The following STK3 variants were observed in gnomAD, a reference collection of about 807,000 sequenced individuals.
STK3 encodes the protein serine/threonine kinase 3.
In STK3, 41 loss-of-function variants were observed where a neutral mutation model predicts 58.0. The observed-to-expected ratio is 0.71, with a 90% confidence interval of 0.55 to 0.92. The LOEUF (loss-of-function observed/expected upper bound fraction) is 0.92, where lower values mean the gene tolerates loss of function less well. Among genes scored for constraint, STK3 ranks in the 40% least tolerant of loss-of-function variants. STK3 has a pLI of 0.00. For synonymous variants in STK3, 170 were observed against 191.0 expected (o/e 0.89, Z 0.91); for missense variants, 479 against 602.7 (o/e 0.79, Z 2.15).
chr8:98,792,697 G>T (rs745826658), intron 1 of STK3, among the ~76,000 whole-genome samples: 1 of 151,958 alleles, frequency 6.6e-6, no homozygotes, highest in Non-Finnish European at 1.5e-5. Flanking sequence ...GTAAAACTCC[G>T]TCTCAAAGAA....
At chr8:98,907,839 T>A (rs1320464458) in intron 1 of STK3, among the ~76,000 whole-genome samples, 1 of 152,238 alleles carries the variant, frequency 6.6e-6, no homozygotes, top group African/African-American at 2.4e-5. Context: ...TTAGTTGATA[T>A]GTTTTTTAAT....
At chr8:98,488,487 GGAA>G (rs1822443668) in intron 10 of STK3, among the ~76,000 whole-genome samples, 1 of 152,118 alleles carries the variant, frequency 6.6e-6, no homozygotes, top group Admixed American at 6.5e-5. Context: ...GGAAATGAAA[GGAA>G]GAAGAGAAAA....
rs1343662406 is a variant in STK3, at chr8:98,621,999, AACGC to A, written c.685-25834_685-25831del. Among the ~76,000 whole-genome samples, 4 of 151,878 alleles carry A rather than the reference AACGC, an allele frequency of 2.6e-5. No homozygotes were observed. The East Asian group carries it at 7.7e-4, about 29-fold the overall frequency. On this transcript the variant is annotated intron_variant, in intron 6 of 10. Transcript: ENST00000419617. ...AAATCAGACATTGGGCACGGTGGCT[AACGC>A]CTGTAATCCCAGTACTTTGGGAGGC... is the stretch of plus-strand genomic sequence containing the variant.
intron 10 of STK3, among the ~76,000 whole-genome samples, chr8:98,523,400 A>G (rs1437434851): frequency 7.0e-6 from 1 of 142,596 alleles, no homozygotes; most frequent in African/African-American, 2.6e-5. Flanking sequence ...TTTGAGACAG[A>G]GTCTCGCTCT....
intron 7 of STK3, 122 bp downstream of exon 7, chr8:98,595,910 G>A (rs951888965): frequency 9.1e-7 from 1 of 1,099,170 alleles, no homozygotes; most frequent in Non-Finnish European, 1.3e-6. Flanking sequence ...GGAGCAAACA[G>A]GAGGGGAGGG....
intron 4 of STK3, among the ~76,000 whole-genome samples, chr8:98,734,221 T>G (rs115197269): frequency 0.011 from 1,746 of 152,234 alleles, 34 homozygotes; most frequent in African/African-American, 0.04. Flanking sequence ...AACATGAGAT[T>G]TGGGTGGGAA....
At chr8:98,473,649 T>G (rs2131238241) in intron 10 of STK3, among the ~76,000 whole-genome samples, 1 of 152,318 alleles carries the variant, frequency 6.6e-6, no homozygotes, top group Non-Finnish European at 1.5e-5. Flanking sequence ...TGAATTCTTT[T>G]TAGTTTCTAT....
At chr8:98,486,886 T>G (rs1822310206) in intron 10 of STK3, among the ~76,000 whole-genome samples, 1 of 152,208 alleles carries the variant, frequency 6.6e-6, no homozygotes, top group Non-Finnish European at 1.5e-5. Context: ...GTCAATGCCC[T>G]GTCTGAACAA....
At chr8:98,378,180 G>A (rs1478229225) in intron 2 of STK3, among the ~76,000 whole-genome samples, 2 of 152,176 alleles carry the variant, frequency 1.3e-5, no homozygotes, top group Non-Finnish European at 2.9e-5. Flanking sequence ...CGGGGGAACC[G>A]AGGAACTGAC....
intron 1 of STK3, among the ~76,000 whole-genome samples, chr8:98,890,235 C>T (rs753602975): frequency 2.0e-5 from 3 of 152,176 alleles, no homozygotes; most frequent in East Asian, 1.9e-4. Flanking sequence ...GGAACAAGGA[C>T]GCCAACATGA....
chr8:98,872,353 C>T (rs556272926), intron 3 of STK3, among the ~76,000 whole-genome samples: 278 of 152,196 alleles, frequency 1.8e-3, no homozygotes, highest in African/African-American at 6.5e-3. Context: ...TGATGTTGGC[C>T]TCATAAAATG....
downstream of STK3, among the ~76,000 whole-genome samples, chr8:98,400,559 G>A (rs982829914): frequency 6.6e-6 from 1 of 152,180 alleles, no homozygotes; most frequent in Non-Finnish European, 1.5e-5. Flanking sequence ...CCCTCTTCCA[G>A]GCTTCTCCTG....
At chr8:98,675,955 C>T (rs998530644) in intron 6 of STK3, among the ~76,000 whole-genome samples, 3 of 151,986 alleles carry the variant, frequency 2.0e-5, no homozygotes, top group Non-Finnish European at 4.4e-5. Context: ...TGGAAACAAT[C>T]GAAGTTTCCA....
intron 6 of STK3, among the ~76,000 whole-genome samples, chr8:98,662,141 G>A (rs1034403784): frequency 1.3e-5 from 2 of 152,112 alleles, no homozygotes; most frequent in Non-Finnish European, 2.9e-5. Context: ...GTTGTACATT[G>A]AGAGACCCAT....
chr8:98,370,811 A>G (rs931129805), downstream of STK3, among the ~76,000 whole-genome samples: 1 of 152,210 alleles, frequency 6.6e-6, no homozygotes, highest in Non-Finnish European at 1.5e-5. Flanking sequence ...AGGTCTTGGG[A>G]TCCAAACAAG....
Position 98,376,203 on chromosome 8 carries a change from T to G in STK3, n.111+2950A>C, listed in dbSNP as rs77602104. 7.9e-4 allele frequency among the ~76,000 whole-genome samples: 120 copies of G among 152,392 alleles called. 2 individuals are homozygous for G. The East Asian group carries it at 0.014, about 18-fold the overall frequency. Reference sequence around the variant, plus strand: ...TCAAGCATCTTTACATGTGTGTATTTGTCATTTTTATTTCCACTTTGGTGA... The same window carrying G: ...TCAAGCATCTTTACATGTGTGTATTGGTCATTTTTATTTCCACTTTGGTGA... On this transcript the variant is annotated intron_variant and non_coding_transcript_variant, in intron 2 of 2. Transcript: ENST00000518704.
chr8:98,525,356 G>A (rs1482781612), intron 10 of STK3, among the ~76,000 whole-genome samples: 1 of 151,006 alleles, frequency 6.6e-6, no homozygotes, highest in Non-Finnish European at 1.5e-5. Flanking sequence ...TATACTAAAA[G>A]TCCAGACTTC....
At chr8:98,362,201 G>A in the STK3 span, among the ~76,000 whole-genome samples, 14 of 152,164 alleles carry the variant, frequency 9.2e-5, no homozygotes, top group Non-Finnish European at 1.5e-4. Context: ...ATCCCTTTGA[G>A]AGAATGTAGA....
Position 98,869,074 on chromosome 8 carries a change from G to GGAAGGAAGGAAGGAAGGAAGGAAA in STK3, c.110+14572_110+14573insTTTCCTTCCTTCCTTCCTTCCTTC, listed in dbSNP as rs1564072424. Among the ~76,000 whole-genome samples the GGAAGGAAGGAAGGAAGGAAGGAAA allele has an allele frequency of 4.2e-3, 551 of 130,460 alleles. 4 individuals are homozygous for GGAAGGAAGGAAGGAAGGAAGGAAA. Among genetic ancestry groups the GGAAGGAAGGAAGGAAGGAAGGAAA allele is most frequent in the African/African-American group, 0.015 (515 of 34,680 alleles). The allele number at this position is 130,460 out of a possible 152,430, so 85.6% of individuals were successfully genotyped here. A position where few individuals can be genotyped will look rare whatever the true frequency, so the allele number is the denominator to read the frequency against. Reference sequence around the variant, plus strand: ...AGGAAGGAAGGAAGGAAGGAAGGAAGGAAGGAAGGAGAGAAAGAGAAAATA... The same window carrying GGAAGGAAGGAAGGAAGGAAGGAAA: ...AGGAAGGAAGGAAGGAAGGAAGGAAGGAAGGAAGGAAGGAAGGAAGGAAAGAAGGAAGGAGAGAAAGAGAAAATA... On this transcript the variant is annotated intron_variant, in intron 3 of 12. Coordinates refer to the STK3 transcript ENST00000523601.
Sources: allele counts gnomAD v4.1 joint callset (sites outside exome capture counted in the v4.1 genomes callset), GRCh38; gene constraint gnomAD v4.1.1; transcripts MANE v1.5; gene names NCBI Gene and HGNC (gene_info 2026-07-23, HGNC 2026-07-21).